APLF: variants seen among roughly 807,000 people sequenced by gnomAD.
APLF encodes the protein aprataxin and PNKP like factor, also known as aprataxin and PNK-like factor.
APLF carries 61 observed loss-of-function variants against 55.6 expected under a neutral mutation model. The observed-to-expected ratio is 1.10, with a 90% CI of 0.89 to 1.36. The LOEUF (loss-of-function observed/expected upper bound fraction) is 1.36, where lower values mean the gene tolerates loss of function less well. Ranked by LOEUF, APLF falls within the 40% of genes most tolerant of loss-of-function variation. The probability of loss-of-function intolerance (pLI) is 0.00; values close to 1 mark genes in which losing one functional copy is unlikely to be tolerated. For synonymous variants in APLF, 207 were observed against 214.8 expected, an observed-to-expected ratio of 0.96 and a Z score of 0.32; for missense variants, 611 against 602.5, an observed-to-expected ratio of 1.01 and a Z score of -0.15.
chr2:68,486,782 G>T (rs1050999827), intron 1 of APLF, among the ~76,000 whole-genome samples: 7 of 152,088 alleles, frequency 4.6e-5, no homozygotes, highest in Non-Finnish European at 4.4e-5. Flanking sequence ...ATAAAAATTG[G>T]AATTCTTCAA....
chr2:68,526,560 A>T (rs1670058786), intron 6 of APLF, among the ~76,000 whole-genome samples: 1 of 152,192 alleles, frequency 6.6e-6, no homozygotes, highest in South Asian at 2.1e-4. Context: ...GGATAATCAG[A>T]CTTCTTTTCT....
At position 68,556,701 on chromosome 2, in the gene APLF, A is replaced by AT. The variant is rs1671025297; in HGVS notation, c.1287-10638dup. ...GTCACAATCATGTACCTTGCCTTGG[A>AT]TTACAAAACCTTAGGCTACCATGTG... On this transcript the variant is annotated intron_variant, in intron 8 of 9. Transcript: ENST00000303795. Among the ~76,000 whole-genome samples, 2 of 152,214 alleles carry AT rather than the reference A, an allele frequency of 1.3e-5. 1 individual carries two copies. The highest frequency in any genetic ancestry group is 4.1e-4 in the South Asian group (2 of 4,828).
chr2:68,534,861 G>T (rs537062962), intron 6 of APLF, among the ~76,000 whole-genome samples: 36 of 152,318 alleles, frequency 2.4e-4, no homozygotes, highest in Middle Eastern at 3.4e-3. Flanking sequence ...TAGCTCCTGA[G>T]CTTTTTAATT....
chr2:68,480,464 C>T (rs1035760556), intron 1 of APLF, among the ~76,000 whole-genome samples: 1 of 151,956 alleles, frequency 6.6e-6, no homozygotes, highest in East Asian at 1.9e-4. Context: ...CCACCATGTG[C>T]AGCTAATTTT....
chr2:68,490,312 G>A (rs758242558), intron 2 of APLF, 51 bp downstream of exon 2: 20 of 1,513,838 alleles, frequency 1.3e-5, no homozygotes, highest in Admixed American at 1.8e-5. Context: ...TACCCTTTCA[G>A]TTCCCAAGCA....
chr2:68,547,681 A>G (rs1000828068), intron 8 of APLF, among the ~76,000 whole-genome samples: 21 of 151,922 alleles, frequency 1.4e-4, no homozygotes, highest in Non-Finnish European at 2.4e-4. Flanking sequence ...ATATCACACC[A>G]TAGTCAAAAA....
intron 1 of APLF, among the ~76,000 whole-genome samples, chr2:68,470,655 T>G (rs1240817839): frequency 1.3e-5 from 2 of 152,216 alleles, no homozygotes; most frequent in Admixed American, 6.5e-5. Context: ...AATCTACTAT[T>G]TCTGATTTCA....
intron 3 of APLF, among the ~76,000 whole-genome samples, chr2:68,506,133 C>T (rs762701851): frequency 6.6e-6 from 1 of 151,742 alleles, no homozygotes. Flanking sequence ...CCATCACAGG[C>T]ACATTCTTGT....
chr2:68,516,980 A>T (rs1299541953), intron 5 of APLF, among the ~76,000 whole-genome samples: 1 of 125,310 alleles, frequency 8.0e-6, no homozygotes, highest in Non-Finnish European at 1.6e-5. Context: ...AATATAATAT[A>T]ATTATATATA....
chr2:68,543,309 G>T (rs966750831), intron 7 of APLF, among the ~76,000 whole-genome samples: 1 of 152,154 alleles, frequency 6.6e-6, no homozygotes, highest in Admixed American at 6.5e-5. Flanking sequence ...CATAGAAATT[G>T]TTAAGATGGT....
chr2:68,575,248 C>G (rs1207154481), intron 9 of APLF, among the ~76,000 whole-genome samples: 1 of 152,120 alleles, frequency 6.6e-6, no homozygotes, highest in Non-Finnish European at 1.5e-5. Flanking sequence ...AAGAATATGC[C>G]AGGCGTTGGG....
rs1045517689 is a variant in APLF, at chr2:68,502,963, A to G, written c.341+60A>G. Reference sequence around the variant, plus strand: ...TTTTTAATCTAATTCCTCAGCCATCACAAATCCTTCGGTAGGAACCAGTAG... The same window carrying G: ...TTTTTAATCTAATTCCTCAGCCATCGCAAATCCTTCGGTAGGAACCAGTAG... On this transcript the variant is annotated intron_variant, in intron 3 of 9. Transcript: ENST00000303795. 8 of 1,538,870 alleles carry G rather than the reference A, an allele frequency of 5.2e-6. No homozygotes were observed. In the South Asian group the frequency reaches 6.1e-5, roughly 12 times the overall value.
At chr2:68,517,365 T>C (rs2103961469) in intron 5 of APLF, among the ~76,000 whole-genome samples, 1 of 131,154 alleles carries the variant, frequency 7.6e-6, no homozygotes. Flanking sequence ...TACTATATAA[T>C]ATATTCATAT....
At chr2:68,560,968 T>C (rs951344065) in intron 8 of APLF, among the ~76,000 whole-genome samples, 3 of 152,060 alleles carry the variant, frequency 2.0e-5, no homozygotes, top group Non-Finnish European at 4.4e-5. Flanking sequence ...AAATGGAATA[T>C]GCATAGACAG....
At chr2:68,516,947 T>TA (rs1481705328) in intron 5 of APLF, among the ~76,000 whole-genome samples, 3 of 125,428 alleles carry the variant, frequency 2.4e-5, no homozygotes, top group African/African-American at 9.3e-5. Flanking sequence ...ATATAATATA[T>TA]ATAATATAAT....
intron 6 of APLF, chr2:68,535,294 CA>C: frequency 4.6e-6 from 2 of 437,028 alleles, no homozygotes; most frequent in Admixed American, 2.9e-5. Context: ...TGCTTATTGT[CA>C]AAAATGGAAG....
At chr2:68,564,524 T>G (rs1425745803) in intron 8 of APLF, among the ~76,000 whole-genome samples, 1 of 152,142 alleles carries the variant, frequency 6.6e-6, no homozygotes, top group Admixed American at 6.6e-5. Flanking sequence ...TTTCTTGAGC[T>G]AATAATGAAG....
At chr2:68,544,935 T>G (rs1670658288) in intron 7 of APLF, among the ~76,000 whole-genome samples, 1 of 152,220 alleles carries the variant, frequency 6.6e-6, no homozygotes, top group Non-Finnish European at 1.5e-5. Context: ...AGTTGTCTAT[T>G]GATATCATGG....
At chr2:68,544,451 G>A (rs1368109756) in intron 7 of APLF, among the ~76,000 whole-genome samples, 1 of 152,038 alleles carries the variant, frequency 6.6e-6, no homozygotes, top group African/African-American at 2.4e-5. Context: ...CTAAAGTAGA[G>A]ATTAAATAAA....
Sources: gnomAD v4.1 joint callset for allele counts (sites outside exome capture counted in the v4.1 genomes callset) on GRCh38, gnomAD v4.1.1 for gene constraint, MANE v1.5 for transcripts, NCBI Gene and HGNC (gene_info 2026-07-23, HGNC 2026-07-21) for gene names.